PSG2: variants seen among roughly 807,000 people sequenced by gnomAD.
PSG2 encodes pregnancy specific beta-1-glycoprotein 2.
PSG2 carries 49 observed loss-of-function variants against 36.2 expected under a neutral mutation model. The ratio of observed to expected loss-of-function variants is 1.35; its 90% CI spans 1.08 to 1.72. The LOEUF is 1.72. Ranked by LOEUF, PSG2 falls within the 40% of genes most tolerant of loss-of-function variation. The probability of loss-of-function intolerance (pLI) is 0.00; values close to 1 mark genes in which losing one functional copy is unlikely to be tolerated. For synonymous variants in PSG2, 261 were observed against 155.6 expected, an observed-to-expected ratio of 1.68 and a Z score of -5.04; for missense variants, 605 against 407.2, an observed-to-expected ratio of 1.49 and a Z score of -4.18.
intron 1 of PSG2, among the ~76,000 whole-genome samples, chr19:43,081,493 T>A (rs1967975174): frequency 6.6e-6 from 1 of 151,336 alleles, no homozygotes; most frequent in South Asian, 2.1e-4. Context: ...CCTTCACCAC[T>A]TGTGACCTTG....
intron 4 of PSG2, among the ~76,000 whole-genome samples, chr19:43,068,537 A>C (rs1432297441): frequency 1.3e-5 from 2 of 151,604 alleles, no homozygotes; most frequent in Non-Finnish European, 2.9e-5. Flanking sequence ...ATGATTATGA[A>C]AGTACTATAA....
chr19:43,077,195 G>A (rs1418442324), intron 2 of PSG2, among the ~76,000 whole-genome samples: 2 of 151,632 alleles, frequency 1.3e-5, no homozygotes, highest in African/African-American at 4.9e-5. Context: ...AGGTTTAGGT[G>A]TGCCGTGAAT....
Position 43,081,062 on chromosome 19 carries a change from T to G in PSG2, c.249A>C (p.Val83=). 1 of 1,612,944 alleles carries G rather than the reference T, an allele frequency of 6.2e-7. No individual in the cohort carries two copies. Among genetic ancestry groups the G allele is most frequent in the Admixed American group, 1.7e-5 (1 of 59,956 alleles). The change falls in exon 2 of 6, where the codon GTA becomes GTC. Residue 83 remains valine, a synonymous_variant. Coordinates refer to ENST00000406487, the MANE Select transcript of PSG2 (RefSeq NM_031246.4). The part of the protein sequence containing the change: ...RDLYHYITSY[V]VDGQIIIYGP... ...CATATATAATTATTTGACCGTCTAC[T>G]ACATATGATGTAATGTAATGGTAGA... is the stretch of plus-strand genomic sequence containing the variant.
At chr19:43,077,444 G>A (rs1967913023) in intron 2 of PSG2, among the ~76,000 whole-genome samples, 1 of 151,738 alleles carries the variant, frequency 6.6e-6, no homozygotes, top group East Asian at 1.9e-4. Context: ...CCCAAAACAG[G>A]TATGTGAAAT....
intron 4 of PSG2, 104 bp downstream of exon 4, chr19:43,071,596 C>A (rs568812741): frequency 1.4e-5 from 22 of 1,610,108 alleles, no homozygotes; most frequent in Non-Finnish European, 1.9e-5. Context: ...TGCTTTTGCC[C>A]ATGGGACACA....
chr19:43,068,470 G>A (rs1296808773), intron 4 of PSG2, among the ~76,000 whole-genome samples: 35 of 129,350 alleles, frequency 2.7e-4, no homozygotes, highest in African/African-American at 2.7e-4. Flanking sequence ...AAAAAAAAAA[G>A]AAAGAAAGAA....
chr19:43,074,695 A>T (rs965597767), intron 3 of PSG2, among the ~76,000 whole-genome samples: 1 of 151,758 alleles, frequency 6.6e-6, no homozygotes, highest in African/African-American at 2.4e-5. Flanking sequence ...TCAGGGATCC[A>T]CTTACCAGGG....
intron 4 of PSG2, 94 bp downstream of exon 4, chr19:43,071,606 A>T: frequency 6.2e-7 from 1 of 1,610,966 alleles, no homozygotes; most frequent in Non-Finnish European, 8.5e-7. Context: ...CATGGGACAC[A>T]GGCTGGGAAT....
Position 43,075,337 on chromosome 19 carries a change from G to A in PSG2, c.709+17C>T. 3 of 1,613,150 alleles carry A rather than the reference G, an allele frequency of 1.9e-6. No individual in the cohort carries two copies. Among genetic ancestry groups the A allele is most frequent in the Non-Finnish European group, 1.7e-6 (2 of 1,179,626 alleles). On this transcript the variant is annotated intron_variant, in intron 3 of 5. Coordinates refer to ENST00000406487, the MANE Select transcript of PSG2 (RefSeq NM_031246.4). Reference sequence around the variant, plus strand: ...TGGGATGGCAGTCTGGCCCACAGAGGAACAGAAGATACTCACGGAGGAGAT... The same window carrying A: ...TGGGATGGCAGTCTGGCCCACAGAGAAACAGAAGATACTCACGGAGGAGAT...
chr19:43,070,455 T>C (rs771308027), intron 4 of PSG2, among the ~76,000 whole-genome samples: 1 of 151,694 alleles, frequency 6.6e-6, no homozygotes, highest in Non-Finnish European at 1.5e-5. Flanking sequence ...AAAAAGTCCA[T>C]TGAAAGATAA....
rs574502605 is a variant in PSG2, at chr19:43,077,850, G to A, written c.431-2218C>T. 2.0e-5 allele frequency among the ~76,000 whole-genome samples: 3 copies of A among 151,782 alleles called. 1 individual carries two copies. Among genetic ancestry groups the A allele is most frequent in the Non-Finnish European group, 4.4e-5 (3 of 67,968 alleles). ...TGTTTCAGTTTTGGAAATTTCTATT[G>A]ACACGTCCTCAAGCTAGGGATTCCT... On this transcript the variant is annotated intron_variant, in intron 2 of 5. Coordinates refer to ENST00000406487, the MANE Select transcript of PSG2 (RefSeq NM_031246.4).
At chr19:43,066,711 C>T in intron 4 of PSG2, 111 bp from the exon 5 acceptor site, 1 of 1,387,158 alleles carries the variant, frequency 7.2e-7, no homozygotes, top group East Asian at 2.3e-5. Context: ...TCTTCAAGGA[C>T]CACATTATTT....
chr19:43,077,781 ATC>A, intron 2 of PSG2, among the ~76,000 whole-genome samples: 1 of 151,820 alleles, frequency 6.6e-6, no homozygotes, highest in African/African-American at 2.4e-5. Context: ...ATGAAGTTGA[ATC>A]AGTTGTTCCA....
intron 4 of PSG2, 87 bp downstream of exon 4, chr19:43,071,613 G>T (rs945130090): frequency 6.2e-7 from 1 of 1,611,060 alleles, no homozygotes. Context: ...CACAGGCTGG[G>T]AATAAAAATG....
Position 43,081,193 on chromosome 19 carries a change from C to A in PSG2, c.118G>T (p.Ala40Ser). 5.0e-6 allele frequency: 8 copies of A among 1,612,668 alleles called. No individual in the cohort carries two copies. The highest frequency in any genetic ancestry group is 3.4e-6 in the Non-Finnish European group (4 of 1,179,630). Residue 40 changes from alanine to serine, a missense_variant, in exon 2 of 6, where the codon GCC becomes TCC. Transcript: ENST00000406487. ...CCCTCGGAAACTTTTGGTGGCTGGGCTTCAATCGTGACTTGGGCAGTGGTG... is the reference window on the plus strand; with the variant it reads ...CCCTCGGAAACTTTTGGTGGCTGGGATTCAATCGTGACTTGGGCAGTGGTG... The part of the protein sequence containing the change: ...LPTTAQVTIE[A>S]QPPKVSEGKD...
At chr19:43,080,109 C>T (rs561116180) in intron 2 of PSG2, among the ~76,000 whole-genome samples, 11 of 151,886 alleles carry the variant, frequency 7.2e-5, no homozygotes, top group African/African-American at 2.7e-4. Context: ...AATTTGCTTC[C>T]ATGAGAAAGC....
chr19:43,081,111 C>G lies in PSG2; in HGVS notation c.200G>C (p.Trp67Ser). 4 of 1,612,788 alleles carry G rather than the reference C, an allele frequency of 2.5e-6. No individual in the cohort carries two copies. The highest frequency in any genetic ancestry group is 3.4e-6 in the Non-Finnish European group (4 of 1,179,660). The change falls in exon 2 of 6, where the codon TGG becomes TCG. Residue 67 changes from tryptophan (W) to serine (S), a missense_variant. Transcript: ENST00000406487. Reference protein sequence around the residue: ...NLPQNLTGYIWYKGQIRDLYH... With the variant: ...NLPQNLTGYISYKGQIRDLYH... ...GAGGTCCCTGATTTGCCCTTTGTAC[C>G]AGATGTAGCCAGTAAGATTCTGGGG...
chr19:43,067,836 G>A (rs1278040859), intron 4 of PSG2, among the ~76,000 whole-genome samples: 1 of 151,368 alleles, frequency 6.6e-6, no homozygotes, highest in Non-Finnish European at 1.5e-5. Context: ...GAGGTTCAGA[G>A]AAGTTGAGTC....
In PSG2 at chr19:43,071,749, G is replaced by A. The variant is rs781513408; in HGVS notation, c.915C>T (p.Asn305=). The change falls in exon 4 of 6, where the codon AAC becomes AAT. Residue 305 remains asparagine (N), a synonymous_variant. Coordinates refer to ENST00000406487, the MANE Select transcript of PSG2 (RefSeq NM_031246.4). ...HSGLYVCSVR[N]SATGEESSTS... is the part of the protein sequence containing the mutation. Reference sequence around the variant, plus strand: ...TGGAGCTTTCCTCGCCAGTGGCTGAGTTACGAACAGAGCAAACATAGAGCC... The same window carrying A: ...TGGAGCTTTCCTCGCCAGTGGCTGAATTACGAACAGAGCAAACATAGAGCC... 1.9e-6 allele frequency: 3 copies of A among 1,612,960 alleles called. No individual in the cohort carries two copies. Among genetic ancestry groups the A allele is most frequent in the Non-Finnish European group, 2.5e-6 (3 of 1,179,440 alleles).
Sources: allele counts gnomAD v4.1 joint callset (sites outside exome capture counted in the v4.1 genomes callset), GRCh38; gene constraint gnomAD v4.1.1; transcripts MANE v1.5; gene names NCBI Gene and HGNC (gene_info 2026-07-23, HGNC 2026-07-21).